HHAT: variants seen among roughly 807,000 people sequenced by gnomAD.
HHAT encodes the protein protein-cysteine N-palmitoyltransferase HHAT.
A neutral mutation model predicts 70.8 loss-of-function variants in HHAT; 47 were observed. The ratio of observed to expected loss-of-function variants is 0.66; its 90% CI spans 0.53 to 0.85. The LOEUF (loss-of-function observed/expected upper bound fraction) is 0.85. HHAT is among the 40% of genes least tolerant of loss of function. The pLI, the probability that HHAT is intolerant of heterozygous loss-of-function variation, is 0.00. For missense variants in HHAT, 609 were observed against 604.8 expected, an observed-to-expected ratio of 1.01 and a Z score of -0.07; for synonymous variants, 228 against 247.6, an observed-to-expected ratio of 0.92 and a Z score of 0.74.
intron 8 of HHAT, among the ~76,000 whole-genome samples, chr1:210,466,146 C>CGCAAGGAATTGCAAGGAATTGCAATT (rs377112947): frequency 1.9e-4 from 28 of 149,784 alleles, no homozygotes; most frequent in African/African-American, 4.5e-4. Context: ...TGCAAGGAAT[C>CGCAAGGAATTGCAAGGAATTGCAATT]GCAAGGAATT....
chr1:210,653,222 C>A (rs1014370484), intron 11 of HHAT, among the ~76,000 whole-genome samples: 6 of 152,244 alleles, frequency 3.9e-5, no homozygotes, highest in Non-Finnish European at 8.8e-5. Flanking sequence ...TACTTAGGTT[C>A]AAAAACAATA....
At chr1:210,520,306 C>T (rs758272408) in intron 9 of HHAT, among the ~76,000 whole-genome samples, 3 of 152,168 alleles carry the variant, frequency 2.0e-5, no homozygotes, top group Admixed American at 6.5e-5. Flanking sequence ...TGAGCCACTG[C>T]GCCTGACCCA....
In HHAT at chr1:210,348,999, A is replaced by G; in HGVS notation, c.24A>G (p.Ala8=). 3 of 1,614,092 alleles carry G rather than the reference A, an allele frequency of 1.9e-6. No homozygotes were observed. Among genetic ancestry groups the G allele is most frequent in the Non-Finnish European group, 2.5e-6 (3 of 1,179,996 alleles). The stretch of plus-strand genomic sequence containing the variant: ...CCATGCTGCCCCGATGGGAACTGGC[A>G]CTTTACCTACTTGCCTCACTAGGCT... MLPRWEL[A]LYLLASLGFH... is the part of the protein sequence containing the mutation. The change falls in exon 2 of 12, where the codon GCA becomes GCG. Residue 8 remains alanine, a synonymous_variant. Coordinates refer to ENST00000261458, the MANE Select transcript of HHAT (RefSeq NM_018194.6).
At position 210,374,250 on chromosome 1, in the gene HHAT, C is replaced by G. The variant is rs7554775; in HGVS notation, c.159+11331C>G. The stretch of plus-strand genomic sequence containing the variant: ...GTAAAAGGCGAAAGATTTATTCGAT[C>G]TGAAGAGAAACCAGTGTAATGCTAC... On this transcript the variant is annotated intron_variant, in intron 3 of 11. Transcript: ENST00000261458. The G allele has an allele frequency of 9.2e-5, 13 of 141,624 alleles. No individual in the cohort carries two copies. In the East Asian group the frequency reaches 1.4e-3, roughly 15 times the overall value. 8.8% of individuals were successfully genotyped at this position (141,624 alleles called of 1,614,324 possible).
chr1:210,575,901 A>G (rs1463261610), intron 9 of HHAT, among the ~76,000 whole-genome samples: 6 of 152,198 alleles, frequency 3.9e-5, no homozygotes, highest in African/African-American at 1.4e-4. Flanking sequence ...CTTGGCAGAT[A>G]AAGGGGGAAC....
intron 9 of HHAT, 132 bp downstream of exon 9, chr1:210,513,320 T>C: frequency 3.8e-6 from 2 of 533,114 alleles, no homozygotes; most frequent in Non-Finnish European, 6.6e-6. Flanking sequence ...AAAACATTGC[T>C]AACACTATGG....
Position 210,527,106 on chromosome 1 carries a change from A to G in HHAT, c.1043+13918A>G, listed in dbSNP as rs192355894. Among the ~76,000 whole-genome samples the G allele has an allele frequency of 7.2e-5, 11 of 152,252 alleles. No homozygotes were observed. In the East Asian group the frequency reaches 2.1e-3, roughly 30 times the overall value. On this transcript the variant is annotated intron_variant, in intron 9 of 11. Transcript: ENST00000261458. ...ATGGGGGCTGGGTGCCAGGGTAACC[A>G]ACCATTTGATAAGAGGATTGGAACT...
intron 7 of HHAT, among the ~76,000 whole-genome samples, chr1:210,459,097 G>C (rs1038276400): frequency 6.6e-6 from 1 of 152,154 alleles, no homozygotes; most frequent in African/African-American, 2.4e-5. Flanking sequence ...GAAGTGGCCC[G>C]TTGTTAGGCA....
At chr1:210,437,261 G>A (rs556939818) in intron 7 of HHAT, among the ~76,000 whole-genome samples, 18 of 151,838 alleles carry the variant, frequency 1.2e-4, no homozygotes, top group Non-Finnish European at 1.6e-4. Flanking sequence ...ATAGCCCATC[G>A]TCTGACTTCA....
intron 10 of HHAT, among the ~76,000 whole-genome samples, chr1:210,600,996 T>C (rs2148819525): frequency 6.6e-6 from 1 of 152,226 alleles, no homozygotes; most frequent in African/African-American, 2.4e-5. Flanking sequence ...TCTGAAGCAG[T>C]AAAATTTCTA....
intron 9 of HHAT, among the ~76,000 whole-genome samples, chr1:210,546,920 G>A (rs537207182): frequency 6.6e-6 from 1 of 152,188 alleles, no homozygotes; most frequent in African/African-American, 2.4e-5. Flanking sequence ...GTTTTTGGTC[G>A]GGTGAAGTGA....
chr1:210,464,865 T>C (rs950628702), intron 8 of HHAT, among the ~76,000 whole-genome samples: 1 of 152,178 alleles, frequency 6.6e-6, no homozygotes, highest in Non-Finnish European at 1.5e-5. Flanking sequence ...ATAGGTGAGA[T>C]AAGAAAGTTT....
chr1:210,355,984 C>T (rs1340463043), intron 2 of HHAT, among the ~76,000 whole-genome samples: 3 of 152,040 alleles, frequency 2.0e-5, no homozygotes, highest in Non-Finnish European at 2.9e-5. Flanking sequence ...TGGCTCAGTC[C>T]TAGCTCGCTG....
chr1:210,513,008 C>T, intron 8 of HHAT, 145 bp from the exon 9 acceptor site: 1 of 557,634 alleles, frequency 1.8e-6, no homozygotes, highest in Non-Finnish European at 3.1e-6. Context: ...AATGCTGCTG[C>T]TCCAGCAGCC....
At chr1:210,412,237 A>T (rs2092584093) in intron 6 of HHAT, among the ~76,000 whole-genome samples, 1 of 152,106 alleles carries the variant, frequency 6.6e-6, no homozygotes, top group African/African-American at 2.4e-5. Context: ...TTTTAGAGGG[A>T]TGTAAACATT....
intron 3 of HHAT, among the ~76,000 whole-genome samples, chr1:210,371,796 A>G (rs2089595957): frequency 6.6e-6 from 1 of 152,186 alleles, no homozygotes; most frequent in Non-Finnish European, 1.5e-5. Flanking sequence ...CAAGAGATCA[A>G]TGTTCCTTTA....
At chr1:210,483,867 T>C (rs975921272) in intron 8 of HHAT, among the ~76,000 whole-genome samples, 2 of 152,212 alleles carry the variant, frequency 1.3e-5, no homozygotes, top group African/African-American at 4.8e-5. Flanking sequence ...TATAAATCTT[T>C]CTATAAGGAT....
In HHAT at chr1:210,537,604, C is replaced by T. The variant is rs118064601; in HGVS notation, c.1043+24416C>T. ...ATGGAGACAGGAAGGGCCCTGCTGACACATTGGGAAGGGCCATTTTAATGT... is the reference window on the plus strand; with the variant it reads ...ATGGAGACAGGAAGGGCCCTGCTGATACATTGGGAAGGGCCATTTTAATGT... On this transcript the variant is annotated intron_variant, in intron 9 of 11. Coordinates refer to ENST00000261458, the MANE Select transcript of HHAT (RefSeq NM_018194.6). 4.9e-3 allele frequency among the ~76,000 whole-genome samples: 752 copies of T among 152,248 alleles called. 32 individuals carry two copies. The East Asian group carries it at 0.1, about 21-fold the overall frequency.
intron 7 of HHAT, among the ~76,000 whole-genome samples, chr1:210,443,353 TTAAAG>T (rs1361040146): frequency 6.6e-6 from 1 of 151,324 alleles, no homozygotes; most frequent in Non-Finnish European, 1.5e-5. Flanking sequence ...CTTATGAACT[TTAAAG>T]TAGTTTTTTC....
Sources: allele counts gnomAD v4.1 joint callset (sites outside exome capture counted in the v4.1 genomes callset), GRCh38; gene constraint gnomAD v4.1.1; transcripts MANE v1.5; gene names NCBI Gene and HGNC (gene_info 2026-07-23, HGNC 2026-07-21).